The following ZFHX3 variants were observed in gnomAD, a reference collection of about 807,000 sequenced individuals.
The protein encoded by ZFHX3 is zinc finger homeobox protein 3.
ZFHX3 carries 42 observed loss-of-function variants against 279.1 expected under a neutral mutation model. The ratio of observed to expected loss-of-function variants is 0.15; its 90% CI spans 0.12 to 0.19. The LOEUF is 0.19. Among genes scored for constraint, ZFHX3 ranks in the 10% least tolerant of loss-of-function variants. The probability of loss-of-function intolerance (pLI) is 1.00; values close to 1 mark genes in which losing one functional copy is unlikely to be tolerated. For missense variants in ZFHX3, 4,981 were observed against 4,754.0 expected (o/e 1.05, Z -1.40); for synonymous variants, 2,293 against 1,957.8 (o/e 1.17, Z -4.52).
chr16:73,810,242 C>T (rs962057863), intron 1 of ZFHX3, among the ~76,000 whole-genome samples: 15 of 152,184 alleles, frequency 9.9e-5, no homozygotes, highest in Admixed American at 5.9e-4. Context: ...GAAGCTGTAG[C>T]TCTCAATCAA....
intron 8 of ZFHX3, among the ~76,000 whole-genome samples, chr16:73,085,650 C>A (rs1415341423): frequency 6.6e-6 from 1 of 152,118 alleles, no homozygotes; most frequent in African/African-American, 2.4e-5. Flanking sequence ...TAAAGCTAGA[C>A]CCCTATCTTT....
intron 3 of ZFHX3, among the ~76,000 whole-genome samples, chr16:73,394,242 T>C (rs1399751792): frequency 1.3e-5 from 2 of 148,356 alleles, no homozygotes; most frequent in African/African-American, 5.1e-5. Context: ...GTTTTCTGTT[T>C]TTTTTTTTTT....
At chr16:73,151,228 T>G (rs1966933720) in intron 5 of ZFHX3, among the ~76,000 whole-genome samples, 1 of 152,158 alleles carries the variant, frequency 6.6e-6, no homozygotes, top group African/African-American at 2.4e-5. Context: ...TATAATGAAT[T>G]TATATTACTT....
At chr16:73,155,564 T>C (rs1406465739) in intron 5 of ZFHX3, among the ~76,000 whole-genome samples, 1 of 152,230 alleles carries the variant, frequency 6.6e-6, no homozygotes, top group African/African-American at 2.4e-5. Flanking sequence ...GGCTCATGCC[T>C]ATAATCCCAG....
intron 3 of ZFHX3, among the ~76,000 whole-genome samples, chr16:72,932,728 T>C (rs1364475429): frequency 6.6e-6 from 1 of 150,836 alleles, no homozygotes; most frequent in Non-Finnish European, 1.5e-5. Flanking sequence ...TCAAAGCTAA[T>C]TAAAACCAAA....
chr16:73,510,828 C>T (rs1352372103), intron 2 of ZFHX3, among the ~76,000 whole-genome samples: 1 of 152,212 alleles, frequency 6.6e-6, no homozygotes, highest in Non-Finnish European at 1.5e-5. Flanking sequence ...TAAGTCCACA[C>T]CTTAGGGTAA....
chr16:73,779,985 GGATCCCAAGCCTTTCTAA>G (rs149330294), intron 1 of ZFHX3, among the ~76,000 whole-genome samples: 46,313 of 127,046 alleles, frequency 0.36, 7,379 homozygotes, highest in Admixed American at 0.42. Flanking sequence ...CCAAAGCACT[GGATCCCAAGCCTTTCTAA>G]GACTTTTTTT....
chr16:72,880,824 C>G (rs1375651643), intron 4 of ZFHX3, among the ~76,000 whole-genome samples: 1 of 152,136 alleles, frequency 6.6e-6, no homozygotes, highest in Admixed American at 6.5e-5. Context: ...TATAAAAACC[C>G]ATTTAACATC....
intron 2 of ZFHX3, among the ~76,000 whole-genome samples, chr16:73,642,388 C>CT (rs1007557472): frequency 1.3e-5 from 2 of 152,184 alleles, no homozygotes; most frequent in African/African-American, 4.8e-5. Context: ...TCCACGCTCT[C>CT]TTTTTACTTC....
At chr16:73,218,555 G>A (rs551678585) in intron 5 of ZFHX3, among the ~76,000 whole-genome samples, 170 of 152,154 alleles carry the variant, frequency 1.1e-3, no homozygotes, top group Non-Finnish European at 2.1e-3. Context: ...GATCACTTGA[G>A]GTCAAGAGTT....
At chr16:73,171,762 T>C (rs1967530652) in intron 5 of ZFHX3, among the ~76,000 whole-genome samples, 1 of 152,198 alleles carries the variant, frequency 6.6e-6, no homozygotes, top group Non-Finnish European at 1.5e-5. Flanking sequence ...ACCCATTTCC[T>C]CAAATCCATG....
intron 3 of ZFHX3, among the ~76,000 whole-genome samples, chr16:73,447,418 G>A (rs532318714): frequency 1.3e-5 from 2 of 152,032 alleles, no homozygotes; most frequent in Admixed American, 6.6e-5. Context: ...GTAGAAAGAA[G>A]TAAAGAAAAT....
chr16:73,433,995 G>C (rs759232522), intron 3 of ZFHX3, among the ~76,000 whole-genome samples: 5 of 152,086 alleles, frequency 3.3e-5, no homozygotes, highest in East Asian at 1.9e-4. Flanking sequence ...CTTCTGGGAG[G>C]GGGGCGAGCT....
At chr16:73,163,009 T>G (rs953037608) in intron 5 of ZFHX3, among the ~76,000 whole-genome samples, 1 of 152,196 alleles carries the variant, frequency 6.6e-6, no homozygotes, top group Non-Finnish European at 1.5e-5. Flanking sequence ...TTCAGGTGTT[T>G]TCTGTAGCTT....
chr16:73,390,189 G>T (rs1305770662), intron 3 of ZFHX3, among the ~76,000 whole-genome samples: 2 of 151,658 alleles, frequency 1.3e-5, no homozygotes, highest in African/African-American at 4.8e-5. Context: ...CAGGTGGTGT[G>T]GTCTCAAGGC....
At chr16:73,084,406 C>T (rs1283206113) in intron 8 of ZFHX3, among the ~76,000 whole-genome samples, 1 of 151,180 alleles carries the variant, frequency 6.6e-6, no homozygotes, top group Non-Finnish European at 1.5e-5. Flanking sequence ...GATACACAAT[C>T]AACATTAAAA....
intron 5 of ZFHX3, among the ~76,000 whole-genome samples, chr16:73,180,766 G>A (rs188211933): frequency 1.3e-5 from 2 of 151,992 alleles, no homozygotes; most frequent in South Asian, 2.1e-4. Flanking sequence ...GGGTTCAAGC[G>A]ATTCTCGTGC....
chr16:73,584,885 T>G (rs1447264152), intron 2 of ZFHX3, among the ~76,000 whole-genome samples: 1 of 151,984 alleles, frequency 6.6e-6, no homozygotes, highest in Non-Finnish European at 1.5e-5. Context: ...CTTAAGCAAA[T>G]TTACTAGAAA....
chr16:73,224,009 G>A (rs2144923368), intron 5 of ZFHX3, among the ~76,000 whole-genome samples: 1 of 152,312 alleles, frequency 6.6e-6, no homozygotes, highest in African/African-American at 2.4e-5. Flanking sequence ...ATCAGCGGTT[G>A]CTATAGGCTA....
Sources: gnomAD v4.1 joint callset for allele counts (sites outside exome capture counted in the v4.1 genomes callset) on GRCh38, gnomAD v4.1.1 for gene constraint, MANE v1.5 for transcripts, NCBI Gene and HGNC (gene_info 2026-07-23, HGNC 2026-07-21) for gene names.